The following SRRM4 variants were observed in gnomAD, a reference collection of about 807,000 sequenced individuals.
SRRM4 encodes the protein serine/arginine repetitive matrix 4, also known as serine/arginine repetitive matrix protein 4.
Under a neutral mutation model 68.9 loss-of-function variants are expected in SRRM4, and 33 were observed. The observed-to-expected ratio is 0.48, with a 90% CI of 0.36 to 0.64. SRRM4 has a LOEUF of 0.64. SRRM4 is among the 30% of genes least tolerant of loss of function. The pLI is 0.00. For synonymous variants in SRRM4, 318 were observed against 318.8 expected (o/e 1.00, Z 0.03); for missense variants, 817 against 827.1 (o/e 0.99, Z 0.15).
chr12:119,063,269 C>T (rs192987778), intron 1 of SRRM4, among the ~76,000 whole-genome samples: 27 of 152,266 alleles, frequency 1.8e-4, no homozygotes, highest in African/African-American at 6.0e-4. Flanking sequence ...ATGCATGAGA[C>T]TTTATTGTGC....
intron 10 of SRRM4, 132 bp from the exon 11 acceptor site, chr12:119,153,407 C>A (rs1187088290): frequency 3.2e-6 from 2 of 617,804 alleles, no homozygotes; most frequent in South Asian, 2.0e-5. Flanking sequence ...TGATCGGGGC[C>A]CAGTTCCTCT....
Position 119,161,674 on chromosome 12 carries a change from C to T in SRRM4, c.*4876C>T, listed in dbSNP as rs1260470084. 6.6e-6 allele frequency: 1 copy of T among 152,642 alleles called. No individual in the cohort carries two copies. The highest frequency in any genetic ancestry group is 6.5e-5 in the Admixed American group (1 of 15,280). The allele number at this position is 152,642 out of a possible 1,614,324, so 9.5% of individuals were successfully genotyped here. On this transcript the variant is annotated 3_prime_UTR_variant, in exon 13 of 13. Coordinates refer to ENST00000267260, the MANE Select transcript of SRRM4 (RefSeq NM_194286.4). Reference sequence around the variant, plus strand: ...ATCTCCCAGCTCCAGGTGCTGCTGTCTGCAGCAAGGGCATTACTGCCCAGG... The same window carrying T: ...ATCTCCCAGCTCCAGGTGCTGCTGTTTGCAGCAAGGGCATTACTGCCCAGG...
intron 9 of SRRM4, among the ~76,000 whole-genome samples, chr12:119,147,967 A>G (rs796580426): frequency 3.9e-5 from 6 of 152,352 alleles, no homozygotes; most frequent in African/African-American, 1.2e-4. Context: ...CCTCTCTGCC[A>G]GACACTCAGC....
At chr12:119,071,969 C>T (rs1037626405) in intron 1 of SRRM4, among the ~76,000 whole-genome samples, 15 of 152,182 alleles carry the variant, frequency 9.9e-5, no homozygotes, top group Admixed American at 7.9e-4. Flanking sequence ...GTGAGAAATA[C>T]GAGCTCATGT....
At chr12:118,999,111 A>G (rs1038252900) in intron 1 of SRRM4, among the ~76,000 whole-genome samples, 1 of 152,230 alleles carries the variant, frequency 6.6e-6, no homozygotes, top group Non-Finnish European at 1.5e-5. Context: ...GGTATTCTTT[A>G]TCCTATCTGG....
At chr12:119,064,142 T>G (rs902954814) in intron 1 of SRRM4, among the ~76,000 whole-genome samples, 2 of 152,208 alleles carry the variant, frequency 1.3e-5, no homozygotes, top group African/African-American at 4.8e-5. Flanking sequence ...ATAATCCACA[T>G]CAAGGCTTCC....
At chr12:119,116,630 A>T (rs1954181708) in intron 3 of SRRM4, among the ~76,000 whole-genome samples, 1 of 152,166 alleles carries the variant, frequency 6.6e-6, no homozygotes, top group Admixed American at 6.5e-5. Context: ...TTGTCTGAAA[A>T]GGGAGGGTAG....
chr12:119,119,088 G>T (rs993112690), intron 4 of SRRM4, among the ~76,000 whole-genome samples: 2 of 147,982 alleles, frequency 1.4e-5, no homozygotes, highest in South Asian at 4.3e-4. Flanking sequence ...AGTTAGCAAG[G>T]CTTCTGAGTT....
intron 4 of SRRM4, 85 bp from the exon 5 acceptor site, chr12:119,120,165 C>A: frequency 1.1e-6 from 1 of 912,954 alleles, no homozygotes; most frequent in Non-Finnish European, 1.7e-6. Flanking sequence ...CTCTCCCTCT[C>A]TCCATCTCTC....
chr12:119,010,368 T>C (rs892386190), intron 1 of SRRM4, among the ~76,000 whole-genome samples: 2 of 152,236 alleles, frequency 1.3e-5, no homozygotes, highest in Non-Finnish European at 2.9e-5. Context: ...AAATATTTTC[T>C]GAGATGAATC....
intron 9 of SRRM4, among the ~76,000 whole-genome samples, chr12:119,147,384 G>A (rs1352818965): frequency 6.6e-6 from 1 of 152,192 alleles, no homozygotes; most frequent in Non-Finnish European, 1.5e-5. Context: ...TACAATGGTG[G>A]ATAACTGTCA....
intron 1 of SRRM4, among the ~76,000 whole-genome samples, chr12:119,096,719 T>C (rs1436387125): frequency 6.6e-6 from 1 of 152,226 alleles, no homozygotes; most frequent in Non-Finnish European, 1.5e-5. Flanking sequence ...TCCACCATTG[T>C]TGGTCTCTGA....
At chr12:119,120,151 C>T (rs1314492882) in intron 4 of SRRM4, 99 bp from the exon 5 acceptor site, 2 of 708,174 alleles carry the variant, frequency 2.8e-6, no homozygotes, top group African/African-American at 3.6e-5. Context: ...TCCTTTCTCT[C>T]CTTCTCTCCC....
At chr12:119,006,396 A>G (rs1953416505) in intron 1 of SRRM4, among the ~76,000 whole-genome samples, 1 of 152,174 alleles carries the variant, frequency 6.6e-6, no homozygotes, top group Non-Finnish European at 1.5e-5. Context: ...CACCATAGAA[A>G]AATTGAAAAG....
Position 119,162,523 on chromosome 12 carries a change from T to G in SRRM4, c.*5725T>G, listed in dbSNP as rs565226371. On this transcript the variant is annotated 3_prime_UTR_variant, in exon 13 of 13. Coordinates refer to ENST00000267260, the MANE Select transcript of SRRM4 (RefSeq NM_194286.4). Reference sequence around the variant, plus strand: ...ACTTTTCAGAGGAGAAAACTGAGGCTCAGGAGGGGGAGTTGACATGCCCAA... The same window carrying G: ...ACTTTTCAGAGGAGAAAACTGAGGCGCAGGAGGGGGAGTTGACATGCCCAA... The G allele has an allele frequency of 8.4e-4, 128 of 152,292 alleles. No individual in the cohort carries two copies. Among genetic ancestry groups the G allele is most frequent in the African/African-American group, 3.0e-3 (123 of 41,564 alleles). 9.4% of individuals were successfully genotyped at this position (152,292 alleles called of 1,614,324 possible).
At chr12:119,033,295 T>C (rs1302020796) in intron 1 of SRRM4, among the ~76,000 whole-genome samples, 2 of 152,258 alleles carry the variant, frequency 1.3e-5, no homozygotes, top group Non-Finnish European at 2.9e-5. Flanking sequence ...CTTTGTATTA[T>C]TTGCTGAAAT....
intron 1 of SRRM4, among the ~76,000 whole-genome samples, chr12:119,005,584 T>A (rs1290843808): frequency 6.6e-6 from 1 of 152,232 alleles, no homozygotes; most frequent in Non-Finnish European, 1.5e-5. Flanking sequence ...GTTTTATAAC[T>A]GTGTCCTTCA....
intron 1 of SRRM4, among the ~76,000 whole-genome samples, chr12:119,037,121 T>C (rs1685657963): frequency 6.6e-6 from 1 of 152,106 alleles, no homozygotes; most frequent in African/African-American, 2.4e-5. Flanking sequence ...CCATTTTTCC[T>C]GGGCGTGGTT....
At chr12:119,145,322 T>C in intron 8 of SRRM4, 59 bp from the exon 9 acceptor site, 1 of 1,426,800 alleles carries the variant, frequency 7.0e-7, no homozygotes, top group Non-Finnish European at 9.5e-7. Flanking sequence ...TCTTGGTTAT[T>C]TAGAAACAGC....
Sources: allele counts gnomAD v4.1 joint callset (sites outside exome capture counted in the v4.1 genomes callset), GRCh38; gene constraint gnomAD v4.1.1; transcripts MANE v1.5; gene names NCBI Gene and HGNC (gene_info 2026-07-23, HGNC 2026-07-21).